CEP112: variants seen among roughly 807,000 people sequenced by gnomAD.
CEP112 encodes centrosomal protein 112.
CEP112 carries 127 observed loss-of-function variants against 153.0 expected under a neutral mutation model. That is an observed-to-expected ratio of 0.83 (90% CI 0.72 to 0.96). The LOEUF (loss-of-function observed/expected upper bound fraction) is 0.96. CEP112 is among the 40% of genes least tolerant of loss of function. CEP112 has a pLI of 0.00. For synonymous variants in CEP112, 358 were observed against 374.4 expected (o/e 0.96, Z 0.51); for missense variants, 1,089 against 1,101.2 (o/e 0.99, Z 0.16).
chr17:66,105,323 G>A (rs1483402008), intron 6 of CEP112, among the ~76,000 whole-genome samples: 1 of 152,008 alleles, frequency 6.6e-6, no homozygotes, highest in Non-Finnish European at 1.5e-5. Context: ...AACATACCAC[G>A]TGAGTAAATG....
At chr17:65,866,281 G>A (rs918510309) in intron 20 of CEP112, among the ~76,000 whole-genome samples, 11 of 152,196 alleles carry the variant, frequency 7.2e-5, no homozygotes, top group Admixed American at 5.2e-4. Flanking sequence ...GCGCACCCTC[G>A]AGGTATCACG....
intron 11 of CEP112, among the ~76,000 whole-genome samples, chr17:66,058,589 C>T (rs2066798426): frequency 6.6e-6 from 1 of 152,106 alleles, no homozygotes; most frequent in Admixed American, 6.6e-5. Context: ...TGCCTGACTC[C>T]TGTAATCTCA....
At chr17:66,187,572 A>T (rs564253488) in intron 1 of CEP112, among the ~76,000 whole-genome samples, 1 of 152,262 alleles carries the variant, frequency 6.6e-6, no homozygotes, top group Admixed American at 6.5e-5. Context: ...CTACTGCCTC[A>T]GATCATTCCT....
At chr17:66,012,408 T>C (rs1178478110) in intron 16 of CEP112, among the ~76,000 whole-genome samples, 4 of 152,232 alleles carry the variant, frequency 2.6e-5, no homozygotes, top group African/African-American at 9.6e-5. Context: ...CAGAACCTCT[T>C]ATAAGGTAGG....
intron 25 of CEP112, among the ~76,000 whole-genome samples, chr17:65,637,887 G>A (rs2143215702): frequency 6.6e-6 from 1 of 152,332 alleles, no homozygotes; most frequent in African/African-American, 2.4e-5. Context: ...CTGCTTTCTG[G>A]AAACCTCAAT....
intron 21 of CEP112, among the ~76,000 whole-genome samples, chr17:65,755,748 T>C: frequency 6.6e-6 from 1 of 151,538 alleles, no homozygotes; most frequent in East Asian, 1.9e-4. Flanking sequence ...ATGAATGAGG[T>C]TGTCATTACC....
intron 18 of CEP112, among the ~76,000 whole-genome samples, chr17:65,933,444 T>C (rs538246186): frequency 6.6e-6 from 1 of 152,278 alleles, no homozygotes; most frequent in East Asian, 1.9e-4. Context: ...AGACAGAAGA[T>C]ACATATCACA....
intron 8 of CEP112, among the ~76,000 whole-genome samples, chr17:66,075,803 C>A (rs2067469292): frequency 6.6e-6 from 1 of 152,142 alleles, no homozygotes; most frequent in Non-Finnish European, 1.5e-5. Flanking sequence ...GAACCAGGAA[C>A]CCCGAGGGGA....
At chr17:65,728,555 G>A (rs1242206484) in intron 23 of CEP112, among the ~76,000 whole-genome samples, 1 of 152,136 alleles carries the variant, frequency 6.6e-6, no homozygotes, top group African/African-American at 2.4e-5. Flanking sequence ...GAGAACTGTT[G>A]TACCAGTGGT....
At chr17:66,065,274 C>T (rs1036269286) in intron 10 of CEP112, among the ~76,000 whole-genome samples, 3 of 152,164 alleles carry the variant, frequency 2.0e-5, no homozygotes, top group African/African-American at 7.2e-5. Flanking sequence ...ATTATTTATT[C>T]TGATCTCACC....
At chr17:65,940,814 C>T (rs28463792) in intron 18 of CEP112, among the ~76,000 whole-genome samples, 23,441 of 152,046 alleles carry the variant, frequency 0.15, 2,754 homozygotes, top group African/African-American at 0.33. Flanking sequence ...TTCTAGTGAT[C>T]AACTGCAGAG....
At chr17:65,970,442 CATG>C (rs1568314315) in intron 17 of CEP112, among the ~76,000 whole-genome samples, 4 of 48,526 alleles carry the variant, frequency 8.2e-5, no homozygotes, top group Non-Finnish European at 1.3e-4. Flanking sequence ...ACACATCATG[CATG>C]TATATTACAT....
rs114901588 is a variant in CEP112, at chr17:65,783,423, C to T, written c.2395-32699G>A. Among the ~76,000 whole-genome samples the T allele has an allele frequency of 9.1e-3, 1,391 of 152,234 alleles. 23 individuals carry two copies. Among genetic ancestry groups the T allele is most frequent in the African/African-American group, 0.032 (1,314 of 41,550 alleles). The stretch of plus-strand genomic sequence containing the variant: ...GGCATAGAATTCTTATGTGACCCAG[C>T]AATTACCACCCAGGTAAATACTCCA... On this transcript the variant is annotated intron_variant, in intron 21 of 26. Transcript: ENST00000535342.
At chr17:65,739,557 G>T in intron 23 of CEP112, among the ~76,000 whole-genome samples, 1 of 152,068 alleles carries the variant, frequency 6.6e-6, no homozygotes, top group East Asian at 1.9e-4. Context: ...CCAACATGGT[G>T]AAACCCCATC....
chr17:65,776,095 C>G (rs2053659555), intron 21 of CEP112, among the ~76,000 whole-genome samples: 1 of 152,200 alleles, frequency 6.6e-6, no homozygotes, highest in South Asian at 2.1e-4. Context: ...ACACAAGTCG[C>G]TGGACTTCTA....
chr17:66,055,112 T>C (rs2066625545), intron 11 of CEP112, among the ~76,000 whole-genome samples: 1 of 152,020 alleles, frequency 6.6e-6, no homozygotes, highest in Admixed American at 6.6e-5. Flanking sequence ...AAAGGACAAA[T>C]AGAGGCAGTG....
intron 21 of CEP112, among the ~76,000 whole-genome samples, chr17:65,786,515 T>C (rs1190602640): frequency 6.6e-6 from 1 of 152,098 alleles, no homozygotes; most frequent in Non-Finnish European, 1.5e-5. Flanking sequence ...TCTTCATGTA[T>C]TTATGGGCTA....
intron 24 of CEP112, among the ~76,000 whole-genome samples, chr17:65,685,400 T>C (rs953326624): frequency 1.3e-5 from 2 of 152,230 alleles, no homozygotes; most frequent in Non-Finnish European, 2.9e-5. Context: ...TCTTTTGTAA[T>C]TCTGCCAGTT....
At chr17:65,696,028 A>C (rs1427349042) in intron 23 of CEP112, among the ~76,000 whole-genome samples, 1 of 152,256 alleles carries the variant, frequency 6.6e-6, no homozygotes, top group Non-Finnish European at 1.5e-5. Flanking sequence ...CAGAATCATC[A>C]GCAGTATAAA....
Sources: gnomAD v4.1 joint callset for allele counts (sites outside exome capture counted in the v4.1 genomes callset) on GRCh38, gnomAD v4.1.1 for gene constraint, MANE v1.5 for transcripts, NCBI Gene and HGNC (gene_info 2026-07-23, HGNC 2026-07-21) for gene names.